The following ELAPOR1 variants were observed in gnomAD, a reference collection of about 807,000 sequenced individuals.
ELAPOR1 encodes endosome-lysosome associated apoptosis and autophagy regulator 1, also known as endosome/lysosome-associated apoptosis and autophagy regulator 1.
In ELAPOR1, 77 loss-of-function variants were observed where a neutral mutation model predicts 119.7. The observed-to-expected ratio is 0.64, with a 90% CI of 0.54 to 0.78. The LOEUF (loss-of-function observed/expected upper bound fraction) is 0.78, where lower values mean the gene tolerates loss of function less well. Ranked by LOEUF, ELAPOR1 falls within the 30% of genes least tolerant of loss-of-function variation. The probability of loss-of-function intolerance (pLI) is 0.00; values close to 1 mark genes in which losing one functional copy is unlikely to be tolerated. For missense variants in ELAPOR1, 1,115 were observed against 1,270.4 expected (o/e 0.88, Z 1.86); for synonymous variants, 481 against 487.2 (o/e 0.99, Z 0.17).
chr1:109,152,972 A>G (rs1377116809), intron 1 of ELAPOR1, among the ~76,000 whole-genome samples: 1 of 150,130 alleles, frequency 6.7e-6, no homozygotes, highest in Non-Finnish European at 1.5e-5. Context: ...AAAAAAAAGA[A>G]AGAAAAAAAG....
intron 1 of ELAPOR1, among the ~76,000 whole-genome samples, chr1:109,122,879 C>G (rs1475281676): frequency 6.6e-6 from 1 of 152,160 alleles, no homozygotes; most frequent in African/African-American, 2.4e-5. Flanking sequence ...ACCATTTGAA[C>G]CCAGGAGGTT....
intron 1 of ELAPOR1, among the ~76,000 whole-genome samples, chr1:109,137,789 A>T (rs890316441): frequency 6.6e-6 from 1 of 152,180 alleles, no homozygotes; most frequent in Non-Finnish European, 1.5e-5. Flanking sequence ...CGGCCCCCCA[A>T]AGTGCTGGGA....
At chr1:109,198,434 G>A (rs1570732129) in intron 17 of ELAPOR1, 139 bp from the exon 18 acceptor site, 2 of 694,934 alleles carry the variant, frequency 2.9e-6, no homozygotes, top group East Asian at 5.4e-5. Flanking sequence ...CAAGGCCTGT[G>A]CACTCCCTGT....
intron 1 of ELAPOR1, among the ~76,000 whole-genome samples, chr1:109,128,019 A>C (rs1462815570): frequency 1.3e-5 from 2 of 152,012 alleles, no homozygotes; most frequent in Non-Finnish European, 2.9e-5. Flanking sequence ...GATTACAGGC[A>C]CATGCCACCA....
chr1:109,177,218 G>C lies in ELAPOR1; in HGVS notation c.952+3381G>C, dbSNP rs1161760596. ...CGCCCCTCACCTCCTGGACGGGGCG[G>C]CTGGCCGGGCGGGGGGCTGACCCCC... On this transcript the variant is annotated intron_variant, in intron 7 of 21. Transcript: ENST00000369939. Among the ~76,000 whole-genome samples the C allele has an allele frequency of 6.8e-4, 102 of 150,230 alleles. 1 individual carries two copies. The highest frequency in any genetic ancestry group is 2.5e-3 in the Admixed American group (38 of 15,172).
At chr1:109,201,237 A>T in intron 21 of ELAPOR1, 1 of 453,108 alleles carries the variant, frequency 2.2e-6, no homozygotes, top group Non-Finnish European at 4.3e-6. Flanking sequence ...ATTTTCACTG[A>T]AAAGGGAAAA....
chr1:109,158,180 G>A (rs759091257), intron 1 of ELAPOR1, among the ~76,000 whole-genome samples: 6 of 152,086 alleles, frequency 3.9e-5, no homozygotes, highest in East Asian at 1.9e-4. Context: ...GAGCCACTGC[G>A]TCTGGCCTCT....
At chr1:109,199,823 G>A in intron 18 of ELAPOR1, 31 bp from the exon 19 acceptor site, 4 of 1,604,906 alleles carry the variant, frequency 2.5e-6, no homozygotes, top group Middle Eastern at 4.3e-4. Flanking sequence ...TCCAGCGAGT[G>A]AGAGCTCAGG....
chr1:109,202,864 C>A, intron 21 of ELAPOR1, 80 bp from the exon 22 acceptor site: 1 of 1,311,548 alleles, frequency 7.6e-7, no homozygotes, highest in Non-Finnish European at 1.1e-6. Flanking sequence ...TTCCTTCTGT[C>A]ACCTATTTTC....
chr1:109,153,616 GTGTTTTGTTTTGTTTTGTTT>G (rs201426802), intron 1 of ELAPOR1, among the ~76,000 whole-genome samples: 3 of 148,472 alleles, frequency 2.0e-5, no homozygotes, highest in Non-Finnish European at 4.5e-5. Flanking sequence ...CTTGTGGCAG[GTGTTTTGTTTTGTTTTGTTT>G]TGTTTTGTTT....
chr1:109,188,219 G>A lies in ELAPOR1; in HGVS notation c.1084G>A (p.Glu362Lys), dbSNP rs143540650. The change falls in exon 9 of 22, where the codon GAG (glutamate) becomes AAG (lysine). Residue 362 changes from glutamate to lysine, a missense_variant. Coordinates refer to ENST00000369939, the MANE Select transcript of ELAPOR1 (RefSeq NM_020775.5). The part of the protein sequence containing the change: ...YKWAKPKICS[E>K]DLEGAVKLPA... ...ATGGGCCAAGCCGAAAATCTGTAGCGAGGACCTTGAGGGGGCAGTGAAGCT... is the reference window on the plus strand; with the variant it reads ...ATGGGCCAAGCCGAAAATCTGTAGCAAGGACCTTGAGGGGGCAGTGAAGCT... The A allele has an allele frequency of 2.8e-5, 45 of 1,613,260 alleles. No individual in the cohort carries two copies. In the African/African-American group the frequency reaches 4.3e-4, roughly 15 times the overall value.
chr1:109,182,175 CA>C (rs1293042737), intron 7 of ELAPOR1, among the ~76,000 whole-genome samples: 5 of 151,972 alleles, frequency 3.3e-5, no homozygotes, highest in African/African-American at 1.2e-4. Context: ...ACTAAAAATA[CA>C]AAAATTAGCT....
chr1:109,159,474 G>A (rs1330510479), intron 1 of ELAPOR1, among the ~76,000 whole-genome samples: 1 of 152,126 alleles, frequency 6.6e-6, no homozygotes, highest in Non-Finnish European at 1.5e-5. Context: ...GATGATCTTC[G>A]AACAGATTAG....
chr1:109,141,334 C>T (rs982689404), intron 1 of ELAPOR1, among the ~76,000 whole-genome samples: 1 of 152,058 alleles, frequency 6.6e-6, no homozygotes, highest in East Asian at 1.9e-4. Context: ...AATCTTGGCT[C>T]ACTGCAAGCT....
chr1:109,191,136 G>C (rs1486971298), intron 11 of ELAPOR1, among the ~76,000 whole-genome samples: 1 of 152,104 alleles, frequency 6.6e-6, no homozygotes. Context: ...CGCGATGATG[G>C]GGGGTAGGTA....
intron 1 of ELAPOR1, among the ~76,000 whole-genome samples, chr1:109,144,061 A>ATATATTTTTTTTTT: frequency 1.2e-4 from 11 of 88,988 alleles, no homozygotes; most frequent in African/African-American, 3.9e-4. Context: ...ATATTTATAT[A>ATATATTTTTTTTTT]TTTTTTTTTT....
rs1654492201 is a variant in ELAPOR1 at position 109,206,309 on chromosome 1, C to T, written c.*3297C>T. 6.6e-6 allele frequency: 1 copy of T among 152,248 alleles called. No homozygotes were observed. Among genetic ancestry groups the T allele is most frequent in the African/African-American group, 2.4e-5 (1 of 41,462 alleles). 9.4% of individuals were successfully genotyped at this position (152,248 alleles called of 1,614,324 possible). On this transcript the variant is annotated 3_prime_UTR_variant, in exon 22 of 22. Coordinates refer to ENST00000369939, the MANE Select transcript of ELAPOR1 (RefSeq NM_020775.5). ...GGATTACAGGTGTAAGCCACCGTGC[C>T]TGGCCTACATGTTCAATTTTCTATG...
In ELAPOR1 at chr1:109,172,515, G is replaced by A. The variant is rs1201892147; in HGVS notation, c.643G>A (p.Ala215Thr). The change falls in exon 5 of 22, where the codon GCA (alanine) becomes ACA (threonine). Residue 215 changes from alanine to threonine, a missense_variant. Coordinates refer to ENST00000369939, the MANE Select transcript of ELAPOR1 (RefSeq NM_020775.5). ...FVQNDQCQPNADDSRWMKTTE... is the reference protein window; with the variant it reads ...FVQNDQCQPNTDDSRWMKTTE... ...TCAGAATGACCAGTGCCAGCCCAAT[G>A]CAGATGACTCCAGGTGGATGAAGAC... is the stretch of plus-strand genomic sequence containing the variant. 3 of 1,613,776 alleles carry A rather than the reference G, an allele frequency of 1.9e-6. No individual in the cohort carries two copies. In the African/African-American group the frequency reaches 4.0e-5, roughly 22 times the overall value.
intron 8 of ELAPOR1, chr1:109,186,648 C>A (rs1168813834): frequency 4.1e-6 from 4 of 985,378 alleles, no homozygotes; most frequent in East Asian, 2.3e-4. Flanking sequence ...TTCTGTATGA[C>A]CTTGTGAACA....
Sources: gnomAD v4.1 joint callset for allele counts (sites outside exome capture counted in the v4.1 genomes callset) on GRCh38, gnomAD v4.1.1 for gene constraint, MANE v1.5 for transcripts, NCBI Gene and HGNC (gene_info 2026-07-23, HGNC 2026-07-21) for gene names.